WNT3: variants seen among roughly 807,000 people sequenced by gnomAD.
The protein encoded by WNT3 is proto-oncogene Wnt-3.
In WNT3, 7 loss-of-function variants were observed where a neutral mutation model predicts 34.2. The ratio of observed to expected loss-of-function variants is 0.20; its 90% CI spans 0.12 to 0.38. WNT3 has a LOEUF of 0.38. Among genes scored for constraint, WNT3 ranks in the 10% least tolerant of loss-of-function variants. The pLI, the probability that WNT3 is intolerant of heterozygous loss-of-function variation, is 1.00. For synonymous variants in WNT3, 212 were observed against 211.5 expected (o/e 1.00, Z -0.02); for missense variants, 267 against 499.8 (o/e 0.53, Z 4.44).
chr17:46,782,140 C>T (rs538216600), intron 1 of WNT3, among the ~76,000 whole-genome samples: 1 of 152,380 alleles, frequency 6.6e-6, no homozygotes, highest in African/African-American at 2.4e-5. Flanking sequence ...CTCCCCAAGT[C>T]ATGCCTTCTT....
In WNT3 at chr17:46,794,940, G is replaced by A. The variant is rs750622174; in HGVS notation, c.81-21031C>T. Among the ~76,000 whole-genome samples, 8 of 151,688 alleles carry A rather than the reference G, an allele frequency of 5.3e-5. No individual in the cohort carries two copies. In the South Asian group the frequency reaches 8.3e-4, roughly 16 times the overall value. ...TAATTTTTGTATTTTTAGTAGAGAC[G>A]GGGTTTCACCATGTTGGCCAGGCTG... On this transcript the variant is annotated intron_variant, in intron 1 of 4. Coordinates refer to ENST00000225512, the MANE Select transcript of WNT3 (RefSeq NM_030753.5).
chr17:46,796,192 T>A (rs2084052028), intron 1 of WNT3, among the ~76,000 whole-genome samples: 1 of 151,994 alleles, frequency 6.6e-6, no homozygotes, highest in South Asian at 2.1e-4. Context: ...GAGAAAAACA[T>A]CCCCCACTTC....
chr17:46,763,251 A>G lies in WNT3; in HGVS notation c.*1379T>C, dbSNP rs1055461581. The stretch of plus-strand genomic sequence containing the variant: ...CTGATTCTCCCTAAGACAGTTGTTG[A>G]ACCAATTCATACTGTGAAATCCATG... On this transcript the variant is annotated 3_prime_UTR_variant, in exon 5 of 5. Coordinates refer to ENST00000225512, the MANE Select transcript of WNT3 (RefSeq NM_030753.5). The G allele has an allele frequency of 5.9e-5, 9 of 152,182 alleles. No homozygotes were observed. Among genetic ancestry groups the G allele is most frequent in the African/African-American group, 2.2e-4 (9 of 41,422 alleles). 9.4% of individuals were successfully genotyped at this position (152,182 alleles called of 1,614,324 possible).
chr17:46,784,652 C>A (rs980331685), intron 1 of WNT3, among the ~76,000 whole-genome samples: 1 of 152,138 alleles, frequency 6.6e-6, no homozygotes, highest in Non-Finnish European at 1.5e-5. Context: ...TGGCAGCAGG[C>A]GCCCAGGTCT....
chr17:46,808,436 G>A (rs2084225034), intron 1 of WNT3, among the ~76,000 whole-genome samples: 1 of 152,190 alleles, frequency 6.6e-6, no homozygotes, highest in Admixed American at 6.5e-5. Flanking sequence ...AGTAGAATAT[G>A]AACAAGCAAA....
Position 46,816,119 on chromosome 17 carries a change from A to ACACACACACGCACG in WNT3, c.80+2398_80+2399insCGTGCGTGTGTGTG, listed in dbSNP as rs151269919. On this transcript the variant is annotated intron_variant, in intron 1 of 4. Coordinates refer to ENST00000225512, the MANE Select transcript of WNT3 (RefSeq NM_030753.5). ...AAGGCATGCGCGCGCACGTACACACACACACACACACTCACACACACGCAC... is the reference window on the plus strand; with the variant it reads ...AAGGCATGCGCGCGCACGTACACACACACACACACGCACGCACACACACACTCACACACACGCAC... Among the ~76,000 whole-genome samples the ACACACACACGCACG allele has an allele frequency of 7.0e-3, 1,057 of 150,638 alleles. 13 individuals carry two copies. The highest frequency in any genetic ancestry group is 0.021 in the African/African-American group (860 of 41,118).
At chr17:46,818,353 A>G (rs1034343358) in intron 1 of WNT3, among the ~76,000 whole-genome samples, 165 bp downstream of exon 1, 2 of 133,954 alleles carry the variant, frequency 1.5e-5, no homozygotes, top group Non-Finnish European at 3.1e-5. Context: ...TGGATTCTGA[A>G]GGCGACACCA....
chr17:46,816,908 T>G (rs1357358623), intron 1 of WNT3, among the ~76,000 whole-genome samples: 1 of 152,186 alleles, frequency 6.6e-6, no homozygotes, highest in Middle Eastern at 3.2e-3. Flanking sequence ...GGACTGGTGT[T>G]GGCAGCAGCC....
intron 1 of WNT3, among the ~76,000 whole-genome samples, chr17:46,815,172 C>T (rs141173432): frequency 1.3e-4 from 20 of 152,214 alleles, no homozygotes; most frequent in Admixed American, 2.6e-4. Flanking sequence ...ATCCCCCCAC[C>T]CCAGCGCCCC....
chr17:46,816,135 A>ACACACACACT lies in WNT3; in HGVS notation c.80+2382_80+2383insAGTGTGTGTG, dbSNP rs1568100332. On this transcript the variant is annotated intron_variant, in intron 1 of 4. Coordinates refer to ENST00000225512, the MANE Select transcript of WNT3 (RefSeq NM_030753.5). ...CGTACACACACACACACACACTCAC[A>ACACACACACT]CACACGCACGCACGCACACACACAC... 7.4e-5 allele frequency among the ~76,000 whole-genome samples: 4 copies of ACACACACACT among 53,808 alleles called. No individual in the cohort carries two copies. The East Asian group carries it at 7.1e-3, about 95-fold the overall frequency. The allele number at this position is 53,808 out of a possible 152,430, so 35.3% of individuals were successfully genotyped here.
intron 1 of WNT3, among the ~76,000 whole-genome samples, chr17:46,815,462 T>TG (rs1437715587): frequency 5.9e-5 from 9 of 151,802 alleles, no homozygotes; most frequent in Non-Finnish European, 1.3e-4. Context: ...AAATCCTTCC[T>TG]GGGGAATGCA....
rs542426612 is a variant in WNT3 at position 46,783,281 on chromosome 17, C to T, written c.81-9372G>A. Among the ~76,000 whole-genome samples, 3 of 152,316 alleles carry T rather than the reference C, an allele frequency of 2.0e-5. No individual in the cohort carries two copies. In the South Asian group the frequency reaches 6.2e-4, roughly 32 times the overall value. ...AGTGGGCTCCTGTCTTGATTTAGCC[C>T]CAGCTGTCAAGACTGGGGCCTGGTG... On this transcript the variant is annotated intron_variant, in intron 1 of 4. Coordinates refer to ENST00000225512, the MANE Select transcript of WNT3 (RefSeq NM_030753.5).
rs140262906 is a variant in WNT3, at chr17:46,812,731, A to G, written c.80+5787T>C. Reference sequence around the variant, plus strand: ...AACAGGCAAAAAGAAGAAAAGGGGAAAACAGAGCCAGGTGGGGCAAATCTG... The same window carrying G: ...AACAGGCAAAAAGAAGAAAAGGGGAGAACAGAGCCAGGTGGGGCAAATCTG... On this transcript the variant is annotated intron_variant, in intron 1 of 4. Transcript: ENST00000225512. Among the ~76,000 whole-genome samples, 687 of 152,336 alleles carry G rather than the reference A, an allele frequency of 4.5e-3. 5 individuals are homozygous for G. Among genetic ancestry groups the G allele is most frequent in the Middle Eastern group, 0.034 (10 of 294 alleles).
chr17:46,812,256 A>AAAGGGACAGCC (rs1171351536), intron 1 of WNT3, among the ~76,000 whole-genome samples: 2 of 152,198 alleles, frequency 1.3e-5, no homozygotes, highest in Non-Finnish European at 2.9e-5. Context: ...CGGGACAGCC[A>AAAGGGACAGCC]AAGGGACAGG....
chr17:46,795,479 G>A (rs2084041298), intron 1 of WNT3, among the ~76,000 whole-genome samples: 1 of 152,136 alleles, frequency 6.6e-6, no homozygotes, highest in Non-Finnish European at 1.5e-5. Flanking sequence ...TTCTCCTCCA[G>A]TGACCCTCAG....
chr17:46,767,325 TGA>T (rs981972251), intron 4 of WNT3, among the ~76,000 whole-genome samples: 3 of 152,162 alleles, frequency 2.0e-5, no homozygotes, highest in African/African-American at 7.2e-5. Context: ...ATAAACTCGG[TGA>T]GAGTGCTCCC....
intron 1 of WNT3, among the ~76,000 whole-genome samples, chr17:46,779,093 ACACACACACAC>A (rs1555683625): frequency 8.3e-6 from 1 of 121,160 alleles, no homozygotes; most frequent in Non-Finnish European, 1.9e-5. Context: ...ACACACACAC[ACACACACACAC>A]CCCAGCCCAC....
Position 46,781,232 on chromosome 17 carries a change from CAA to C in WNT3, c.81-7325_81-7324del, listed in dbSNP as rs376907784. Among the ~76,000 whole-genome samples the C allele has an allele frequency of 1.9e-3, 277 of 143,724 alleles. 1 individual carries two copies. The highest frequency in any genetic ancestry group is 1.7e-3 in the Non-Finnish European group (114 of 65,698). The allele number at this position is 143,724 out of a possible 152,430, so 94.3% of individuals were successfully genotyped here. On this transcript the variant is annotated intron_variant, in intron 1 of 4. Coordinates refer to ENST00000225512, the MANE Select transcript of WNT3 (RefSeq NM_030753.5). ...CAGAGCAAGACTCTGTCCCCCCAACCAAAAAAAAAAAAAGGAATGAAATTCTG... is the reference window on the plus strand; with the variant it reads ...CAGAGCAAGACTCTGTCCCCCCAACCAAAAAAAAAAAGGAATGAAATTCTG...
At position 46,776,247 on chromosome 17, in the gene WNT3, C is replaced by T. The variant is rs992186333; in HGVS notation, c.81-2338G>A. Among the ~76,000 whole-genome samples the T allele has an allele frequency of 3.3e-5, 5 of 152,340 alleles. No individual in the cohort carries two copies. In the South Asian group the frequency reaches 1.0e-3, roughly 32 times the overall value. ...GGCTTCAGGCCTGGCCCATCTGCAC[C>T]CTGGGCCTCCATACTGAGCACATGC... On this transcript the variant is annotated intron_variant, in intron 1 of 4. Transcript: ENST00000225512.
Sources: allele counts gnomAD v4.1 joint callset (sites outside exome capture counted in the v4.1 genomes callset), GRCh38; gene constraint gnomAD v4.1.1; transcripts MANE v1.5; gene names NCBI Gene and HGNC (gene_info 2026-07-23, HGNC 2026-07-21).